The following PRICKLE1 variants were observed in gnomAD, a reference collection of about 807,000 sequenced individuals.
PRICKLE1 encodes prickle planar cell polarity protein 1.
PRICKLE1 carries 14 observed loss-of-function variants against 70.2 expected under a neutral mutation model. The observed-to-expected ratio is 0.20, with a 90% CI of 0.13 to 0.31. The LOEUF is 0.31. Ranked by LOEUF, PRICKLE1 falls within the 10% of genes least tolerant of loss-of-function variation. The pLI, the probability that PRICKLE1 is intolerant of heterozygous loss-of-function variation, is 1.00. For synonymous variants in PRICKLE1, 357 were observed against 379.9 expected, an observed-to-expected ratio of 0.94 and a Z score of 0.70; for missense variants, 821 against 1,026.2, an observed-to-expected ratio of 0.80 and a Z score of 2.73.
chr12:42,491,819 A>G (rs11181523), intron 1 of PRICKLE1, among the ~76,000 whole-genome samples: 59,863 of 128,176 alleles, frequency 0.47, 12,795 homozygotes, highest in East Asian at 0.66. Context: ...TTTCACTCTT[A>G]TTACCCAGGC....
At chr12:42,534,139 G>A (rs1283430664) in intron 1 of PRICKLE1, among the ~76,000 whole-genome samples, 1 of 152,042 alleles carries the variant, frequency 6.6e-6, no homozygotes, top group African/African-American at 2.4e-5. Context: ...TACAGATGGT[G>A]GTCAGGGCAA....
intron 1 of PRICKLE1, among the ~76,000 whole-genome samples, chr12:42,503,775 C>T (rs1037965673): frequency 1.3e-5 from 2 of 152,186 alleles, no homozygotes; most frequent in African/African-American, 4.8e-5. Context: ...TACCTCCTCA[C>T]CTTCTTTATA....
chr12:42,484,720 C>T (rs1938939839), intron 1 of PRICKLE1, among the ~76,000 whole-genome samples: 1 of 152,172 alleles, frequency 6.6e-6, no homozygotes, highest in African/African-American at 2.4e-5. Flanking sequence ...AATCTTGTTT[C>T]TGAGCTATTT....
At chr12:42,557,249 C>T (rs985850312) in intron 1 of PRICKLE1, among the ~76,000 whole-genome samples, 3 of 152,168 alleles carry the variant, frequency 2.0e-5, no homozygotes, top group Admixed American at 6.5e-5. Context: ...TTATTCAATA[C>T]ATAGGCATTA....
At chr12:42,562,542 GA>G (rs576415012) in intron 1 of PRICKLE1, among the ~76,000 whole-genome samples, 1,642 of 151,820 alleles carry the variant, frequency 0.011, 13 homozygotes, top group Non-Finnish European at 0.014. Context: ...TTAAAAATAA[GA>G]AAAAATTAAA....
In PRICKLE1 at chr12:42,464,599, C is replaced by T. The variant is rs570770626; in HGVS notation, c.1435G>A (p.Gly479Arg). ...SDMYWAQSQD[G>R]LGDSAYGSHP... ...CTGCCATAAGCAGAATCGCCCAGTC[C>T]ATCTTGTGACTGTGCCCAGTACATA... Residue 479 changes from glycine to arginine, a missense_variant, in exon 7 of 8, where the codon GGA becomes AGA. Physicochemically the swap from Gly to Arg is moderately radical, Grantham distance 125. Transcript: ENST00000345127. This position sits in a 1 kb window ranked among gnomAD's most constrained non-coding sequence, Gnocchi z 4.2. The T allele has an allele frequency of 1.2e-5, 20 of 1,613,880 alleles. No individual in the cohort carries two copies. The East Asian group carries it at 4.0e-4, about 32-fold the overall frequency.
chr12:42,494,524 A>G (rs1939159835), intron 1 of PRICKLE1, among the ~76,000 whole-genome samples: 1 of 152,136 alleles, frequency 6.6e-6, no homozygotes. Context: ...GCAATTCCTC[A>G]GGCCAGGTGT....
chr12:42,542,881 A>G (rs1350427062), intron 1 of PRICKLE1, among the ~76,000 whole-genome samples: 1 of 152,166 alleles, frequency 6.6e-6, no homozygotes, highest in East Asian at 1.9e-4. Flanking sequence ...CCCCAAATTC[A>G]TATGGTGAAA....
intron 1 of PRICKLE1, among the ~76,000 whole-genome samples, chr12:42,498,713 T>C (rs1939253498): frequency 6.6e-6 from 1 of 152,206 alleles, no homozygotes; most frequent in Non-Finnish European, 1.5e-5. Context: ...CCATTTCCAG[T>C]CCCTACTGAT....
chr12:42,517,835 G>A (rs565665861), intron 1 of PRICKLE1, among the ~76,000 whole-genome samples: 2 of 152,002 alleles, frequency 1.3e-5, no homozygotes, highest in Admixed American at 6.6e-5. Context: ...GAAAAGTGGG[G>A]GTATTTCCTT....
At chr12:42,584,416 T>A (rs1380048589) in intron 1 of PRICKLE1, 1 of 152,222 alleles carries the variant, frequency 6.6e-6, no homozygotes, top group Non-Finnish European at 1.5e-5. Flanking sequence ...CAAACTGCTA[T>A]AAATGTTTCT....
At chr12:42,491,737 T>C (rs531180901) in intron 1 of PRICKLE1, among the ~76,000 whole-genome samples, 21 of 151,762 alleles carry the variant, frequency 1.4e-4, no homozygotes, top group Non-Finnish European at 2.6e-4. Flanking sequence ...ATCTAGTAGT[T>C]AGGGTTTTAT....
chr12:42,553,823 C>A (rs1334922697), intron 1 of PRICKLE1, among the ~76,000 whole-genome samples: 1 of 152,118 alleles, frequency 6.6e-6, no homozygotes, highest in Admixed American at 6.6e-5. Flanking sequence ...GAGACAAATG[C>A]CGGGCGCAGG....
intron 1 of PRICKLE1, among the ~76,000 whole-genome samples, chr12:42,507,833 G>A (rs2019557): frequency 0.58 from 87,901 of 152,038 alleles, 25,708 homozygotes; most frequent in East Asian, 0.72. Flanking sequence ...AGCTTCAATC[G>A]CAGTATTGAC....
intron 1 of PRICKLE1, among the ~76,000 whole-genome samples, chr12:42,560,760 C>G (rs1158560843): frequency 2.1e-5 from 3 of 141,178 alleles, no homozygotes; most frequent in Non-Finnish European, 4.6e-5. Flanking sequence ...GGTCAAAAGC[C>G]CATCTTCTCA....
At chr12:42,579,299 T>C (rs1940858807) in intron 1 of PRICKLE1, among the ~76,000 whole-genome samples, 1 of 152,196 alleles carries the variant, frequency 6.6e-6, no homozygotes, top group South Asian at 2.1e-4. Context: ...AGCAGAGACC[T>C]GAAGGGACAG....
chr12:42,468,424 A>G (rs1938185493), intron 5 of PRICKLE1, among the ~76,000 whole-genome samples: 1 of 152,208 alleles, frequency 6.6e-6, no homozygotes, highest in East Asian at 1.9e-4. Context: ...TGCGGTTTTG[A>G]CCATTATGGC....
Position 42,581,397 on chromosome 12 carries a change from T to C in PRICKLE1, c.-49+8068A>G, listed in dbSNP as rs181357800. Among the ~76,000 whole-genome samples the C allele has an allele frequency of 8.7e-4, 132 of 152,132 alleles. 2 individuals are homozygous for C. Among genetic ancestry groups the C allele is most frequent in the Non-Finnish European group, 1.4e-3 (95 of 68,002 alleles). On this transcript the variant is annotated intron_variant, in intron 1 of 7. Coordinates refer to ENST00000345127, the MANE Select transcript of PRICKLE1 (RefSeq NM_153026.3). ...CACATCCCTCCACTACTGTCTATTT[T>C]GGGGTCTCTGCTTGAGAAAAAACAG...
intron 1 of PRICKLE1, among the ~76,000 whole-genome samples, chr12:42,581,608 G>T (rs1030096223): frequency 6.6e-6 from 1 of 151,932 alleles, no homozygotes; most frequent in African/African-American, 2.4e-5. Flanking sequence ...TTAGCCAGGC[G>T]TGGTGGCATA....
Sources: allele counts gnomAD v4.1 joint callset (sites outside exome capture counted in the v4.1 genomes callset), GRCh38; gene constraint gnomAD v4.1.1; non-coding constraint Gnocchi (gnomAD v3.1); transcripts MANE v1.5; gene names NCBI Gene and HGNC (gene_info 2026-07-23, HGNC 2026-07-21).